The following TMEM114 variants were observed in gnomAD, a reference collection of about 807,000 sequenced individuals.
The protein encoded by TMEM114 is transmembrane protein 114.
Under a neutral mutation model 6.2 loss-of-function variants are expected in TMEM114, and 6 were observed. The observed-to-expected ratio is 0.97, with a 90% CI of 0.53 to 1.91. TMEM114 has a LOEUF of 1.91. Among genes scored for constraint, TMEM114 ranks in the 40% most tolerant of loss-of-function variants. The pLI, the probability that TMEM114 is intolerant of heterozygous loss-of-function variation, is 0.01. For synonymous variants in TMEM114, 104 were observed against 73.0 expected, an observed-to-expected ratio of 1.42 and a Z score of -2.16; for missense variants, 218 against 158.3, an observed-to-expected ratio of 1.38 and a Z score of -2.02.
In TMEM114 at chr16:8,579,967, G is replaced by A. The variant is rs149188787; in HGVS notation, c.302-7743C>T. 6.1e-3 allele frequency among the ~76,000 whole-genome samples: 924 copies of A among 152,226 alleles called. 6 individuals carry two copies. The highest frequency in any genetic ancestry group is 0.011 in the Non-Finnish European group (743 of 68,008). On this transcript the variant is annotated intron_variant, in intron 2 of 3. Transcript: ENST00000620492. Reference sequence around the variant, plus strand: ...AGACCTGGAGGCGAGACAGTGAGGCGTTAACTGGGCTGAGAAGTAGGAGAG... The same window carrying A: ...AGACCTGGAGGCGAGACAGTGAGGCATTAACTGGGCTGAGAAGTAGGAGAG...
intron 2 of TMEM114, among the ~76,000 whole-genome samples, chr16:8,555,045 G>A (rs548743949): frequency 2.0e-4 from 30 of 152,294 alleles, no homozygotes; most frequent in African/African-American, 6.5e-4. Context: ...CACTCATGGG[G>A]TTTCCCTCCC....
chr16:8,534,713 C>T (rs183216753), downstream of TMEM114, among the ~76,000 whole-genome samples: 283 of 152,304 alleles, frequency 1.9e-3, no homozygotes, highest in Non-Finnish European at 3.5e-3. Flanking sequence ...TCAGGACTCT[C>T]ACTTATAAAA....
At chr16:8,589,499 G>C in intron 1 of TMEM114, 120 bp downstream of exon 1, 1 of 398,172 alleles carries the variant, frequency 2.5e-6, no homozygotes, top group Non-Finnish European at 4.4e-6. Context: ...CGAGTCCCTA[G>C]ACATTGTATT....
intron 2 of TMEM114, among the ~76,000 whole-genome samples, chr16:8,539,264 A>G (rs572320982): frequency 2.0e-4 from 31 of 152,150 alleles, no homozygotes; most frequent in African/African-American, 7.5e-4. Context: ...GAATTCCAGG[A>G]TGTGATCTGG....
chr16:8,534,367 A>G (rs1900295769), downstream of TMEM114, among the ~76,000 whole-genome samples: 1 of 142,114 alleles, frequency 7.0e-6, no homozygotes, highest in Admixed American at 7.1e-5. Context: ...AAAAAAAGGA[A>G]TTCTTCATGT....
intron 2 of TMEM114, among the ~76,000 whole-genome samples, chr16:8,587,847 T>A (rs1902362200): frequency 6.8e-6 from 1 of 147,204 alleles, no homozygotes; most frequent in South Asian, 2.2e-4. Flanking sequence ...TGTCTCTGGG[T>A]AGGGTTGAGT....
chr16:8,566,214 C>CA (rs932603369), downstream of TMEM114, among the ~76,000 whole-genome samples: 3 of 151,900 alleles, frequency 2.0e-5, no homozygotes, highest in South Asian at 2.1e-4. Context: ...ACTAAAAATA[C>CA]AAAAAATTAG....
At chr16:8,574,176 G>A (rs993915252) in intron 2 of TMEM114, among the ~76,000 whole-genome samples, 6 of 152,074 alleles carry the variant, frequency 3.9e-5, no homozygotes, top group African/African-American at 1.4e-4. Flanking sequence ...TGACTGTGGG[G>A]TCCTGGGCAT....
chr16:8,532,059 G>A, the TMEM114 span: 1 of 152,190 alleles, frequency 6.6e-6, no homozygotes, highest in African/African-American at 2.4e-5. Flanking sequence ...AAGAGCCAGT[G>A]GGAATGCTTA....
intron 2 of TMEM114, among the ~76,000 whole-genome samples, chr16:8,554,821 C>T (rs569065517): frequency 6.6e-6 from 1 of 152,180 alleles, no homozygotes; most frequent in Non-Finnish European, 1.5e-5. Flanking sequence ...TGAGGGTAGG[C>T]ACTGATGTTA....
intron 2 of TMEM114, among the ~76,000 whole-genome samples, chr16:8,543,055 C>A (rs1442424113): frequency 6.6e-6 from 1 of 152,142 alleles, no homozygotes; most frequent in African/African-American, 2.4e-5. Context: ...GAATACAGAA[C>A]ACAGCCCTTC....
At chr16:8,534,743 C>A (rs530958058), downstream of TMEM114, among the ~76,000 whole-genome samples, 1 of 152,316 alleles carries the variant, frequency 6.6e-6, no homozygotes, top group East Asian at 1.9e-4. Context: ...GTACTTGGCA[C>A]ATGGTCAACA....
intron 2 of TMEM114, among the ~76,000 whole-genome samples, chr16:8,541,609 T>C (rs1404673085): frequency 1.3e-5 from 2 of 152,210 alleles, no homozygotes; most frequent in African/African-American, 4.8e-5. Context: ...TTTGACATTT[T>C]GAAAAATAAT....
chr16:8,566,434 TAGAAG>T (rs1368388014), downstream of TMEM114, among the ~76,000 whole-genome samples: 13 of 147,444 alleles, frequency 8.8e-5, 1 homozygote, highest in Middle Eastern at 3.6e-3. Context: ...TGGATCAGAA[TAGAAG>T]AGAACAGATC....
chr16:8,529,661 T>C, the TMEM114 span, among the ~76,000 whole-genome samples: 2 of 152,024 alleles, frequency 1.3e-5, no homozygotes, highest in Non-Finnish European at 2.9e-5. Flanking sequence ...ACACTAAAAT[T>C]TGAGAACCAT....
Position 8,590,196 on chromosome 16 carries a change from C to A in TMEM114, c.-358G>T. ...TCCCCACCAGCACCTTAACCCACCT[C>A]GTCCCTCAGCCCCACTCCACCCTCG... On this transcript the variant is annotated 5_prime_UTR_variant, in exon 1 of 4. Transcript: ENST00000620492. The A allele has an allele frequency of 4.5e-6, 1 of 221,924 alleles. No individual in the cohort carries two copies. Among genetic ancestry groups the A allele is most frequent in the Non-Finnish European group, 8.8e-6 (1 of 113,534 alleles). The allele number at this position is 221,924 out of a possible 1,614,324, so 13.7% of individuals were successfully genotyped here. A position where few individuals can be genotyped will look rare whatever the true frequency, so the allele number is the denominator to read the frequency against.
At chr16:8,549,500 C>T (rs572510346) in intron 2 of TMEM114, among the ~76,000 whole-genome samples, 33 of 77,892 alleles carry the variant, frequency 4.2e-4, no homozygotes, top group African/African-American at 1.9e-3. Flanking sequence ...AACTCCGTCT[C>T]GAAAAAAAAA....
At chr16:8,563,193 ATGAATGAG>A (rs1322507574) in intron 2 of TMEM114, among the ~76,000 whole-genome samples, 1 of 119,596 alleles carries the variant, frequency 8.4e-6, no homozygotes, top group Non-Finnish European at 1.8e-5. Flanking sequence ...GAATGAGTGA[ATGAATGAG>A]TGAATGAGTG....
chr16:8,556,938 G>A (rs1041247817), intron 2 of TMEM114, among the ~76,000 whole-genome samples: 1 of 152,186 alleles, frequency 6.6e-6, no homozygotes, highest in Non-Finnish European at 1.5e-5. Flanking sequence ...GACCGCTCCA[G>A]CCTCTGTTCT....
Sources: gnomAD v4.1 joint callset for allele counts (sites outside exome capture counted in the v4.1 genomes callset) on GRCh38, gnomAD v4.1.1 for gene constraint, MANE v1.5 for transcripts, NCBI Gene and HGNC (gene_info 2026-07-23, HGNC 2026-07-21) for gene names.